Variants in MAGI2 observed in about 807,000 individuals in gnomAD.
MAGI2 encodes the protein membrane associated guanylate kinase, WW and PDZ domain containing 2.
Under a neutral mutation model 133.3 loss-of-function variants are expected in MAGI2, and 35 were observed. The observed-to-expected ratio is 0.26, with a 90% CI of 0.20 to 0.35. The LOEUF is 0.35. MAGI2 is among the 10% of genes least tolerant of loss of function. MAGI2 has a pLI of 1.00. For missense variants in MAGI2, 1,636 were observed against 1,863.4 expected (o/e 0.88, Z 2.25); for synonymous variants, 729 against 710.6 (o/e 1.03, Z -0.41).
intron 6 of MAGI2, 64 bp downstream of exon 6, chr7:78,489,697 A>G: frequency 8.0e-7 from 1 of 1,255,708 alleles, no homozygotes; most frequent in Non-Finnish European, 1.2e-6. Flanking sequence ...TGAGACTCTC[A>G]TTTAAGAAAC....
intron 10 of MAGI2, among the ~76,000 whole-genome samples, chr7:78,243,848 A>G (rs1006538404): frequency 6.6e-6 from 1 of 152,122 alleles, no homozygotes; most frequent in South Asian, 2.1e-4. Context: ...GATTATGGCA[A>G]TCACTCTGGG....
At chr7:78,447,394 C>T (rs1788259472) in intron 6 of MAGI2, among the ~76,000 whole-genome samples, 2 of 148,516 alleles carry the variant, frequency 1.3e-5, no homozygotes. Context: ...AAAAAAAAGG[C>T]TCCCTGGTCT....
intron 1 of MAGI2, among the ~76,000 whole-genome samples, chr7:79,409,453 T>G (rs1846014517): frequency 6.7e-6 from 1 of 149,812 alleles, no homozygotes. Context: ...TGACTTAACA[T>G]TTTTCTTTCT....
intron 9 of MAGI2, among the ~76,000 whole-genome samples, chr7:78,298,017 A>AGAT (rs1302810513): frequency 2.6e-5 from 4 of 152,092 alleles, no homozygotes; most frequent in Non-Finnish European, 4.4e-5. Flanking sequence ...GAAAAAAAAA[A>AGAT]GATTAACATT....
chr7:78,675,243 GGTTGCT>G (rs1355082460), intron 2 of MAGI2, among the ~76,000 whole-genome samples: 1 of 105,988 alleles, frequency 9.4e-6, no homozygotes, highest in Non-Finnish European at 2.1e-5. Flanking sequence ...GAGAATTATG[GGTTGCT>G]GTTGTTGTTG....
chr7:78,740,697 C>T (rs1711926434), intron 2 of MAGI2, among the ~76,000 whole-genome samples: 1 of 152,156 alleles, frequency 6.6e-6, no homozygotes, highest in South Asian at 2.1e-4. Context: ...AGACCAGACT[C>T]TTTTTGCTCA....
rs1196193501 is a variant in MAGI2, at chr7:79,214,407, C to CTATATA, written c.302-207207_302-207202dup. Among the ~76,000 whole-genome samples, 156 of 17,696 alleles carry CTATATA rather than the reference C, an allele frequency of 8.8e-3. 7 individuals carry two copies. The highest frequency in any genetic ancestry group is 0.013 in the East Asian group (7 of 546). 11.6% of individuals were successfully genotyped at this position (17,696 alleles called of 152,430 possible). On this transcript the variant is annotated intron_variant, in intron 1 of 21. Transcript: ENST00000354212. ...TCTCTCTCTCTCTCTCTCTCTCTCT[C>CTATATA]TATATATATATATATATATATATAT...
At chr7:78,859,413 G>A (rs1053458631) in intron 2 of MAGI2, among the ~76,000 whole-genome samples, 4 of 150,306 alleles carry the variant, frequency 2.7e-5, no homozygotes, top group Admixed American at 6.6e-5. Flanking sequence ...CTTCCTTCAG[G>A]AGGTCTTTTA....
At chr7:78,055,870 G>T (rs1484544487) in intron 21 of MAGI2, among the ~76,000 whole-genome samples, 1 of 152,094 alleles carries the variant, frequency 6.6e-6, no homozygotes, top group Non-Finnish European at 1.5e-5. Context: ...CAGGAAGGGG[G>T]GCAATCCTCT....
chr7:78,715,415 T>C (rs1176818695), intron 2 of MAGI2, among the ~76,000 whole-genome samples: 1 of 152,212 alleles, frequency 6.6e-6, no homozygotes, highest in African/African-American at 2.4e-5. Context: ...TTTATCATTG[T>C]ATATCTTACC....
Position 78,262,308 on chromosome 7 carries a change from T to C in MAGI2, c.1409-5727A>G, listed in dbSNP as rs117742457. The stretch of plus-strand genomic sequence containing the variant: ...GAATCTTTTTGTTTATTCTTATGTG[T>C]TACTTTATAAATGACACTGTGAATA... On this transcript the variant is annotated intron_variant, in intron 9 of 21. Transcript: ENST00000354212. Among the ~76,000 whole-genome samples the C allele has an allele frequency of 3.3e-3, 499 of 152,284 alleles. 9 individuals are homozygous for C. The highest frequency in any genetic ancestry group is 4.2e-3 in the Non-Finnish European group (284 of 68,028).
chr7:78,051,002 C>T (rs779093436), intron 21 of MAGI2, among the ~76,000 whole-genome samples: 3 of 152,248 alleles, frequency 2.0e-5, no homozygotes, highest in Non-Finnish European at 4.4e-5. Context: ...TAGTGGTCTC[C>T]TGGCAAAGGC....
chr7:78,073,310 G>C (rs562034114), intron 21 of MAGI2, among the ~76,000 whole-genome samples: 1 of 144,442 alleles, frequency 6.9e-6, no homozygotes, highest in South Asian at 2.1e-4. Flanking sequence ...CTGATTGGCT[G>C]TTTCTCCCCC....
intron 1 of MAGI2, among the ~76,000 whole-genome samples, chr7:79,040,129 G>C (rs1811519576): frequency 6.6e-6 from 1 of 151,732 alleles, no homozygotes; most frequent in Non-Finnish European, 1.5e-5. Context: ...TGAGTCATGG[G>C]GGTGGTTTCC....
At chr7:79,185,516 A>AT (rs71095383) in intron 1 of MAGI2, among the ~76,000 whole-genome samples, 9,229 of 126,550 alleles carry the variant, frequency 0.073, 707 homozygotes, top group African/African-American at 0.19. Context: ...CAATTTGGTC[A>AT]TTTTTTTTTT....
chr7:78,761,993 T>A (rs2151301378), intron 2 of MAGI2, among the ~76,000 whole-genome samples: 1 of 152,280 alleles, frequency 6.6e-6, no homozygotes, highest in Non-Finnish European at 1.5e-5. Context: ...ATGGACTCTA[T>A]CCGGAATTAA....
chr7:78,470,466 C>A (rs1254798780), intron 6 of MAGI2, among the ~76,000 whole-genome samples: 1 of 152,054 alleles, frequency 6.6e-6, no homozygotes, highest in East Asian at 1.9e-4. Flanking sequence ...TTATGAATGA[C>A]TGACTGTTGA....
At chr7:79,030,204 G>C (rs1386503912) in intron 1 of MAGI2, 3 of 152,138 alleles carry the variant, frequency 2.0e-5, no homozygotes, top group Non-Finnish European at 4.4e-5. Context: ...ATTTTGTTTT[G>C]GTGAGGGAAG....
intron 1 of MAGI2, among the ~76,000 whole-genome samples, chr7:79,010,618 T>C (rs895155490): frequency 6.6e-6 from 1 of 152,168 alleles, no homozygotes; most frequent in Non-Finnish European, 1.5e-5. Flanking sequence ...GATTTGGTAG[T>C]TCATAGGATG....
Sources: allele counts gnomAD v4.1 joint callset (sites outside exome capture counted in the v4.1 genomes callset), GRCh38; gene constraint gnomAD v4.1.1; transcripts MANE v1.5; gene names NCBI Gene and HGNC (gene_info 2026-07-23, HGNC 2026-07-21).